TBL1X: variants seen among roughly 807,000 people sequenced by gnomAD.
TBL1X encodes the protein F-box-like/WD repeat-containing protein TBL1X.
A neutral mutation model predicts 50.7 loss-of-function variants in TBL1X; 10 were observed. That is an observed-to-expected ratio of 0.20 (90% CI 0.12 to 0.33). The LOEUF (loss-of-function observed/expected upper bound fraction) is 0.33, where lower values mean the gene tolerates loss of function less well. TBL1X is among the 10% of genes least tolerant of loss of function. The probability of loss-of-function intolerance (pLI) is 1.00; values close to 1 mark genes in which losing one functional copy is unlikely to be tolerated. For synonymous variants in TBL1X, 190 were observed against 214.7 expected (o/e 0.88, Z 1.01); for missense variants, 340 against 504.4 (o/e 0.67, Z 3.12).
chrX:9,703,870 C>T (rs1242119748), intron 12 of TBL1X, among the ~76,000 whole-genome samples: 2 of 112,378 alleles, frequency 1.8e-5, no homozygotes, highest in Non-Finnish European at 3.8e-5. Context: ...CTTCAGTGCC[C>T]TTGCTGTCAC....
At chrX:9,654,879 C>T (rs1383173028) in intron 5 of TBL1X, among the ~76,000 whole-genome samples, 2 of 111,433 alleles carry the variant, frequency 1.8e-5, no homozygotes, top group Non-Finnish European at 3.8e-5. Flanking sequence ...TGCCCTCCTC[C>T]GCCAGCAGGG....
chrX:9,688,475 C>T (rs895312616), intron 7 of TBL1X, among the ~76,000 whole-genome samples, 200 bp downstream of exon 7: 10 of 112,177 alleles, frequency 8.9e-5, no homozygotes, highest in African/African-American at 2.9e-4. Flanking sequence ...GCTTCTTCAC[C>T]CTCATCTTCA....
At chrX:9,512,601 G>A (rs2082061551) in intron 2 of TBL1X, among the ~76,000 whole-genome samples, 1 of 109,976 alleles carries the variant, frequency 9.1e-6, no homozygotes, top group Non-Finnish European at 1.9e-5. Context: ...GGGTTCAAGT[G>A]TTTCTCCTGC....
intron 1 of TBL1X, among the ~76,000 whole-genome samples, chrX:9,466,469 C>T (rs1441787484): frequency 1.8e-5 from 2 of 112,728 alleles, no homozygotes; most frequent in East Asian, 2.8e-4. Flanking sequence ...TAGGGACTGA[C>T]GTTTATTCTC....
chrX:9,534,617 A>G (rs902136183), intron 2 of TBL1X, among the ~76,000 whole-genome samples: 4 of 111,247 alleles, frequency 3.6e-5, no homozygotes, highest in Admixed American at 9.5e-5. Context: ...GTTTTTCACT[A>G]AAGTAGACTC....
Position 9,718,528 on chromosome X carries a change from A to G in TBL1X, c.*2282A>G, listed in dbSNP as rs962912001. 2.7e-5 allele frequency: 3 copies of G among 111,635 alleles called. No individual in the cohort carries two copies. Among genetic ancestry groups the G allele is most frequent in the Non-Finnish European group, 5.7e-5 (3 of 53,076 alleles). The allele number at this position is 111,635 out of a possible 1,213,427, so 9.2% of individuals were successfully genotyped here. On this transcript the variant is annotated 3_prime_UTR_variant, in exon 18 of 18. Coordinates refer to ENST00000645353, the MANE Select transcript of TBL1X (RefSeq NM_005647.4). ...GATTTCCCGTCCCAAGGACTCTGTG[A>G]AGTTTAGAGTACAGTTTGTTGGGGT...
chrX:9,574,989 C>G (rs962268048), intron 2 of TBL1X, among the ~76,000 whole-genome samples: 1 of 111,632 alleles, frequency 9.0e-6, no homozygotes, highest in Admixed American at 9.5e-5. Flanking sequence ...CTGTATTAGT[C>G]TGTTTTCACG....
chrX:9,659,970 G>A (rs954014207), intron 5 of TBL1X, among the ~76,000 whole-genome samples: 4 of 112,323 alleles, frequency 3.6e-5, no homozygotes, highest in South Asian at 7.4e-4. Context: ...ATGACAGAGC[G>A]TCCTTGTTTG....
chrX:9,474,740 G>T (rs769960189), intron 1 of TBL1X, among the ~76,000 whole-genome samples: 68 of 112,962 alleles, frequency 6.0e-4, no homozygotes, highest in Non-Finnish European at 1.2e-3. Context: ...ATTGACGGAT[G>T]CCCTCAGGGC....
intron 2 of TBL1X, among the ~76,000 whole-genome samples, chrX:9,628,469 T>C (rs766005456): frequency 8.0e-5 from 9 of 112,394 alleles, no homozygotes; most frequent in Non-Finnish European, 1.3e-4. Flanking sequence ...AAAAAAGATG[T>C]CATTTCCAAA....
chrX:9,512,169 A>G (rs2082059261), intron 2 of TBL1X, among the ~76,000 whole-genome samples: 1 of 111,641 alleles, frequency 9.0e-6, no homozygotes, highest in South Asian at 3.7e-4. Context: ...GGCATGAGTC[A>G]CCACGCCTGG....
intron 2 of TBL1X, among the ~76,000 whole-genome samples, chrX:9,597,615 G>A (rs144659778): frequency 8.9e-6 from 1 of 112,414 alleles, no homozygotes; most frequent in African/African-American, 3.2e-5. Context: ...CTGACAGAGT[G>A]CTTTTGAAAA....
At position 9,619,411 on chromosome X, in the gene TBL1X, G is replaced by A. The variant is rs1035008546; in HGVS notation, c.-130-20862G>A. 3.9e-4 allele frequency among the ~76,000 whole-genome samples: 44 copies of A among 111,700 alleles called. 2 individuals carry two copies. The highest frequency in any genetic ancestry group is 9.5e-5 in the Admixed American group (1 of 10,565). ...AGTGATCCCAGCACTGTCCACACCC[G>A]CGGTGCATCCCTCCTGGCTTCTAGT... is the stretch of plus-strand genomic sequence containing the variant. On this transcript the variant is annotated intron_variant, in intron 2 of 17. Transcript: ENST00000645353.
At chrX:9,669,543 G>C (rs1198927266) in intron 5 of TBL1X, among the ~76,000 whole-genome samples, 3 of 111,476 alleles carry the variant, frequency 2.7e-5, no homozygotes, top group Non-Finnish European at 5.6e-5. Flanking sequence ...GTCTACAAAG[G>C]CTTCGGAAGC....
chrX:9,557,550 C>T (rs1453184082), intron 2 of TBL1X, among the ~76,000 whole-genome samples: 3 of 110,885 alleles, frequency 2.7e-5, no homozygotes, highest in African/African-American at 9.9e-5. Context: ...AGAGATGAGT[C>T]CAGGATGACA....
chrX:9,548,514 CTTA>C (rs1445192833), intron 2 of TBL1X, among the ~76,000 whole-genome samples: 2 of 112,101 alleles, frequency 1.8e-5, no homozygotes, highest in African/African-American at 6.5e-5. Flanking sequence ...TGACCAAAAC[CTTA>C]TTATCAAAGC....
rs2083231584 is a variant in TBL1X at position 9,709,540 on chromosome X, G to A, written c.1312-93G>A. The A allele has an allele frequency of 2.6e-6, 3 of 1,152,246 alleles. No homozygotes were observed. In the South Asian group the frequency reaches 6.1e-5, roughly 23 times the overall value. The allele number at this position is 1,152,246 out of a possible 1,213,427, so 95.0% of individuals were successfully genotyped here. A position where few individuals can be genotyped will look rare whatever the true frequency, so the allele number is the denominator to read the frequency against. ...CACTGTGCACCCTCCACCCTGCCCTGGGCCCCGTGTGCACCCCCGGGAGGA... is the reference window on the plus strand; with the variant it reads ...CACTGTGCACCCTCCACCCTGCCCTAGGCCCCGTGTGCACCCCCGGGAGGA... On this transcript the variant is annotated intron_variant, in intron 14 of 17. Transcript: ENST00000645353.
rs902875381 is a variant in TBL1X at position 9,593,810 on chromosome X, C to A, written c.-130-46463C>A. On this transcript the variant is annotated intron_variant, in intron 2 of 17. Coordinates refer to ENST00000645353, the MANE Select transcript of TBL1X (RefSeq NM_005647.4). ...AGCCCTGCCCTCAAGCTTCCCCTCCCTTTTCTTTCATGCCCATAGCCTACC... is the reference window on the plus strand; with the variant it reads ...AGCCCTGCCCTCAAGCTTCCCCTCCATTTTCTTTCATGCCCATAGCCTACC... Among the ~76,000 whole-genome samples, 4 of 111,833 alleles carry A rather than the reference C, an allele frequency of 3.6e-5. No homozygotes were observed. The Admixed American group carries it at 3.8e-4, about 11-fold the overall frequency.
chrX:9,526,737 A>G (rs919880251), intron 2 of TBL1X, among the ~76,000 whole-genome samples: 2 of 112,385 alleles, frequency 1.8e-5, no homozygotes, highest in African/African-American at 6.5e-5. Flanking sequence ...ATAAAACTCC[A>G]TTTATGGCCA....
Sources: allele counts gnomAD v4.1 joint callset (sites outside exome capture counted in the v4.1 genomes callset), GRCh38; gene constraint gnomAD v4.1.1; transcripts MANE v1.5; gene names NCBI Gene and HGNC (gene_info 2026-07-23, HGNC 2026-07-21).